Variants in ITCH observed in about 807,000 individuals in gnomAD.
ITCH encodes E3 ubiquitin-protein ligase Itchy homolog.
A neutral mutation model predicts 126.8 loss-of-function variants in ITCH; 28 were observed. The observed-to-expected ratio is 0.22, with a 90% CI of 0.16 to 0.30. The LOEUF (loss-of-function observed/expected upper bound fraction) is 0.30, where lower values mean the gene tolerates loss of function less well. ITCH is among the 10% of genes least tolerant of loss of function. The pLI, the probability that ITCH is intolerant of heterozygous loss-of-function variation, is 1.00. For missense variants in ITCH, 631 were observed against 1,032.4 expected (o/e 0.61, Z 5.33); for synonymous variants, 342 against 340.0 (o/e 1.01, Z -0.06).
intron 6 of ITCH, chr20:34,417,160 G>T (rs938267907): frequency 5.9e-6 from 4 of 677,802 alleles, no homozygotes; most frequent in East Asian, 2.8e-5. Flanking sequence ...GCAATAGTGC[G>T]ATCTCGGCTC....
intron 6 of ITCH, among the ~76,000 whole-genome samples, chr20:34,422,577 T>G (rs1490028576): frequency 6.6e-6 from 1 of 152,206 alleles, no homozygotes; most frequent in East Asian, 1.9e-4. Flanking sequence ...TACCATTTTT[T>G]TTTTACCACA....
chr20:34,387,724 A>C (rs1323131313), intron 2 of ITCH, among the ~76,000 whole-genome samples: 1 of 148,930 alleles, frequency 6.7e-6, no homozygotes, highest in Admixed American at 6.7e-5. Context: ...TTCTTTTTTG[A>C]GATGGAGTCT....
intron 3 of ITCH, among the ~76,000 whole-genome samples, chr20:34,403,296 C>A (rs961640397): frequency 3.3e-5 from 5 of 152,058 alleles, no homozygotes; most frequent in African/African-American, 1.2e-4. Context: ...CAGAGAGATA[C>A]ACTGAAGAAC....
chr20:34,392,754 C>T (rs1025365637), intron 2 of ITCH, among the ~76,000 whole-genome samples: 7 of 151,848 alleles, frequency 4.6e-5, no homozygotes, highest in Non-Finnish European at 1.0e-4. Context: ...CTCTGTTGCC[C>T]AGGCTGGAGT....
intron 3 of ITCH, 43 bp downstream of exon 3, chr20:34,393,924 G>A (rs761630971): frequency 8.4e-6 from 13 of 1,546,658 alleles, no homozygotes; most frequent in South Asian, 3.3e-5. Context: ...ATTTTTCCCC[G>A]TATGATTAAA....
intron 3 of ITCH, among the ~76,000 whole-genome samples, chr20:34,398,301 G>T (rs1171137915): frequency 6.6e-6 from 1 of 151,992 alleles, no homozygotes; most frequent in African/African-American, 2.4e-5. Flanking sequence ...GGGCTCAGGT[G>T]ATCCACCCAC....
Position 34,510,472 on chromosome 20 carries a change from C to CTTTTTT in ITCH, c.*2679_*2680insTTTTTT, listed in dbSNP as rs1978670721. ...TTTTTTTTTTTTTTTTTTTTTTTTA[C>CTTTTTT]TGCATGTTACATTGAAATAAAAACA... On this transcript the variant is annotated 3_prime_UTR_variant, in exon 25 of 25. Transcript: ENST00000374864. 3.0e-5 allele frequency: 1 copy of CTTTTTT among 32,816 alleles called. No individual in the cohort carries two copies. The allele number at this position is 32,816 out of a possible 1,614,324, so 2.0% of individuals were successfully genotyped here.
At chr20:34,453,238 T>C (rs1295036287) in intron 12 of ITCH, among the ~76,000 whole-genome samples, 1 of 152,182 alleles carries the variant, frequency 6.6e-6, no homozygotes, top group East Asian at 1.9e-4. Flanking sequence ...ATGAGAAAAA[T>C]GTTTGCTATT....
chr20:34,423,894 C>T (rs533193457), intron 6 of ITCH, among the ~76,000 whole-genome samples: 3 of 152,290 alleles, frequency 2.0e-5, no homozygotes, highest in African/African-American at 7.2e-5. Context: ...TAAGCTGTTG[C>T]ACCTGGCTCC....
intron 6 of ITCH, among the ~76,000 whole-genome samples, chr20:34,420,524 A>G (rs1238623558): frequency 3.3e-5 from 5 of 152,360 alleles, no homozygotes; most frequent in South Asian, 2.1e-4. Flanking sequence ...GTTATGAATT[A>G]TAAATAATGC....
intron 12 of ITCH, among the ~76,000 whole-genome samples, chr20:34,454,715 A>AAATACGAACTTGAC (rs1277823821): frequency 2.0e-5 from 3 of 152,020 alleles, no homozygotes; most frequent in Admixed American, 1.3e-4. Context: ...AAATATTACC[A>AAATACGAACTTGAC]AATACGAACT....
chr20:34,491,770 G>A (rs1007324417), intron 22 of ITCH, among the ~76,000 whole-genome samples: 1 of 152,160 alleles, frequency 6.6e-6, no homozygotes, highest in Non-Finnish European at 1.5e-5. Context: ...GAAACCTATT[G>A]TTTTGAGTCA....
chr20:34,456,159 T>A (rs912034388), intron 12 of ITCH, among the ~76,000 whole-genome samples: 1 of 30,564 alleles, frequency 3.3e-5, no homozygotes, highest in African/African-American at 1.7e-4. Flanking sequence ...TTTTATATAT[T>A]GTGTGTGTGT....
At chr20:34,367,239 G>A (rs570970199) in intron 1 of ITCH, among the ~76,000 whole-genome samples, 1 of 152,226 alleles carries the variant, frequency 6.6e-6, no homozygotes, top group East Asian at 1.9e-4. Flanking sequence ...GTGCAGTGAT[G>A]TGATCTCGGC....
rs753810760 is a variant in ITCH at position 34,405,478 on chromosome 20, C to CTGGG, written c.71-3172_71-3169dup. On this transcript the variant is annotated intron_variant, in intron 3 of 24. Coordinates refer to ENST00000374864, the MANE Select transcript of ITCH (RefSeq NM_031483.7). ...TAAGATTGTGCCATTGCACTCTAGC[C>CTGGG]TGGGCAACAAGAGCGAAACTCCTAT... Among the ~76,000 whole-genome samples the CTGGG allele has an allele frequency of 2.6e-5, 4 of 151,866 alleles. No homozygotes were observed. In the East Asian group the frequency reaches 7.7e-4, roughly 29 times the overall value.
rs1978740679 is a variant in ITCH at position 34,511,001 on chromosome 20, G to A, written c.*3207G>A. ...TGGTTAATAATCCGAAATGTTACCG[G>A]GGTTGACTCACGGAATTAAATTTTT... On this transcript the variant is annotated 3_prime_UTR_variant, in exon 25 of 25. Transcript: ENST00000374864. The A allele has an allele frequency of 6.6e-6, 1 of 152,068 alleles. No homozygotes were observed. Among genetic ancestry groups the A allele is most frequent in the Admixed American group, 6.6e-5 (1 of 15,256 alleles). The allele number at this position is 152,068 out of a possible 1,614,324, so 9.4% of individuals were successfully genotyped here.
chr20:34,475,098 G>A (rs1427960794), intron 16 of ITCH, among the ~76,000 whole-genome samples: 2 of 151,798 alleles, frequency 1.3e-5, no homozygotes, highest in African/African-American at 4.8e-5. Context: ...TAGATGTGAT[G>A]GCGGCCGGGA....
intron 14 of ITCH, among the ~76,000 whole-genome samples, chr20:34,469,103 C>A (rs1376940359): frequency 6.6e-6 from 1 of 152,134 alleles, no homozygotes; most frequent in Non-Finnish European, 1.5e-5. Context: ...TCTGTCTTTT[C>A]TACCATCCTA....
At chr20:34,474,984 C>T (rs1249465957) in intron 16 of ITCH, among the ~76,000 whole-genome samples, 2 of 148,802 alleles carry the variant, frequency 1.3e-5, no homozygotes. Context: ...GACGGGGTCG[C>T]GGCTGGGCAG....
Sources: allele counts gnomAD v4.1 joint callset (sites outside exome capture counted in the v4.1 genomes callset), GRCh38; gene constraint gnomAD v4.1.1; transcripts MANE v1.5; gene names NCBI Gene and HGNC (gene_info 2026-07-23, HGNC 2026-07-21).